CNTNAP4: variants seen among roughly 807,000 people sequenced by gnomAD.
CNTNAP4 encodes the protein contactin-associated protein-like 4.
CNTNAP4 carries 98 observed loss-of-function variants against 148.4 expected under a neutral mutation model. That is an observed-to-expected ratio of 0.66 (90% CI 0.56 to 0.78). The LOEUF (loss-of-function observed/expected upper bound fraction) is 0.78, where lower values mean the gene tolerates loss of function less well. Among genes scored for constraint, CNTNAP4 ranks in the 30% least tolerant of loss-of-function variants. The probability of loss-of-function intolerance (pLI) is 0.00; values close to 1 mark genes in which losing one functional copy is unlikely to be tolerated. For synonymous variants in CNTNAP4, 730 were observed against 565.1 expected (o/e 1.29, Z -4.14); for missense variants, 1,935 against 1,565.6 (o/e 1.24, Z -3.98).
Position 76,404,170 on chromosome 16 carries a change from A to C in CNTNAP4, c.391-23282A>C, listed in dbSNP as rs114926899. 5.2e-3 allele frequency among the ~76,000 whole-genome samples: 785 copies of C among 152,252 alleles called. 11 individuals carry two copies. Among genetic ancestry groups the C allele is most frequent in the African/African-American group, 0.018 (761 of 41,538 alleles). ...TAACAAACCTACACATGCACCCTTG[A>C]ACTTAAAAGTTAAAAAAATTCAGTA... On this transcript the variant is annotated intron_variant, in intron 3 of 23. Coordinates refer to ENST00000611870, the MANE Select transcript of CNTNAP4 (RefSeq NM_033401.5).
intron 1 of CNTNAP4, among the ~76,000 whole-genome samples, chr16:76,301,131 G>T (rs1402012166): frequency 6.6e-6 from 1 of 151,990 alleles, no homozygotes; most frequent in East Asian, 1.9e-4. Context: ...GGTAAGAGTA[G>T]TGTATAAAAA....
chr16:76,452,069 T>C (rs977010758), intron 7 of CNTNAP4, among the ~76,000 whole-genome samples: 1 of 152,140 alleles, frequency 6.6e-6, no homozygotes, highest in African/African-American at 2.4e-5. Flanking sequence ...GTTTTTTTTT[T>C]TTTCCCTAGG....
At chr16:76,408,358 A>ATTAACAGTTGTTAATCTATTAACAT (rs2078675405) in intron 3 of CNTNAP4, among the ~76,000 whole-genome samples, 1 of 142,066 alleles carries the variant, frequency 7.0e-6, no homozygotes, top group African/African-American at 3.1e-5. Context: ...TTGCTTAACA[A>ATTAACAGTTGTTAATCTATTAACAT]TTAACAGTTG....
chr16:76,497,099 A>C (rs1213071114), intron 14 of CNTNAP4, among the ~76,000 whole-genome samples: 2 of 152,236 alleles, frequency 1.3e-5, no homozygotes, highest in Admixed American at 1.3e-4. Flanking sequence ...TTCAGGAAGA[A>C]GTGAAAAGCA....
chr16:76,439,168 G>A (rs2145132227), intron 4 of CNTNAP4, among the ~76,000 whole-genome samples: 1 of 152,184 alleles, frequency 6.6e-6, no homozygotes, highest in Admixed American at 6.6e-5. Flanking sequence ...CGTAGCACTT[G>A]ACACAGCATT....
chr16:76,484,698 A>G (rs2081963291), intron 12 of CNTNAP4, among the ~76,000 whole-genome samples: 1 of 152,222 alleles, frequency 6.6e-6, no homozygotes, highest in Non-Finnish European at 1.5e-5. Context: ...ATTGGTAGGA[A>G]TAGATCAAGC....
chr16:76,464,748 G>A (rs1184756507), intron 9 of CNTNAP4, among the ~76,000 whole-genome samples: 1 of 152,168 alleles, frequency 6.6e-6, no homozygotes, highest in Non-Finnish European at 1.5e-5. Context: ...TGAACTAGCA[G>A]CACTGTGTAT....
chr16:76,315,909 G>C (rs1200259781), intron 1 of CNTNAP4, among the ~76,000 whole-genome samples: 1 of 152,162 alleles, frequency 6.6e-6, no homozygotes, highest in Non-Finnish European at 1.5e-5. Context: ...TGTGAAGTCT[G>C]ATCGTGCCTT....
chr16:76,444,392 A>G (rs2080159350), intron 4 of CNTNAP4, among the ~76,000 whole-genome samples: 1 of 147,228 alleles, frequency 6.8e-6, no homozygotes. Flanking sequence ...AATGACATTG[A>G]GAAGATGTGA....
chr16:76,304,200 A>G (rs1183180617), intron 1 of CNTNAP4, among the ~76,000 whole-genome samples: 1 of 152,168 alleles, frequency 6.6e-6, no homozygotes, highest in Non-Finnish European at 1.5e-5. Flanking sequence ...CGATTTAAAT[A>G]AAATGCCTAA....
At chr16:76,498,538 A>C in intron 14 of CNTNAP4, 29 bp from the exon 15 acceptor site, 1 of 1,594,446 alleles carries the variant, frequency 6.3e-7, no homozygotes, top group South Asian at 1.2e-5. Flanking sequence ...AAAGTTCTTA[A>C]GAATTTTGTT....
intron 8 of CNTNAP4, among the ~76,000 whole-genome samples, chr16:76,455,640 C>A (rs2080699252): frequency 6.6e-6 from 1 of 152,178 alleles, no homozygotes; most frequent in Non-Finnish European, 1.5e-5. Flanking sequence ...ATCCTTAATT[C>A]TGGTTAGTGA....
intron 8 of CNTNAP4, among the ~76,000 whole-genome samples, chr16:76,453,873 TGTG>T (rs1357548005): frequency 1.3e-5 from 2 of 152,134 alleles, no homozygotes; most frequent in Non-Finnish European, 2.9e-5. Context: ...GTGTTCAAAA[TGTG>T]GTAGATTTGC....
chr16:76,507,023 T>G (rs576807091), intron 15 of CNTNAP4, among the ~76,000 whole-genome samples: 2 of 97,672 alleles, frequency 2.0e-5, no homozygotes, highest in Admixed American at 2.0e-4. Context: ...TTGTATACCT[T>G]TGCTTTTCCC....
chr16:76,444,725 C>A (rs1044779573), intron 4 of CNTNAP4, among the ~76,000 whole-genome samples: 2 of 152,090 alleles, frequency 1.3e-5, no homozygotes, highest in Non-Finnish European at 2.9e-5. Flanking sequence ...AGTGTTATAT[C>A]TAAAATAATA....
At chr16:76,555,271 C>A (rs577169233) in intron 23 of CNTNAP4, among the ~76,000 whole-genome samples, 14 of 152,072 alleles carry the variant, frequency 9.2e-5, no homozygotes, top group Non-Finnish European at 1.9e-4. Flanking sequence ...ATTTCAGTTG[C>A]TTTTCTGTTT....
chr16:76,355,046 A>G (rs753875712), intron 2 of CNTNAP4, among the ~76,000 whole-genome samples: 3 of 152,230 alleles, frequency 2.0e-5, no homozygotes, highest in Admixed American at 6.5e-5. Context: ...TTCACCTATC[A>G]TATTAAACAT....
chr16:76,361,211 A>G (rs749327927), intron 3 of CNTNAP4, among the ~76,000 whole-genome samples: 3 of 152,190 alleles, frequency 2.0e-5, no homozygotes, highest in Non-Finnish European at 2.9e-5. Flanking sequence ...ACTGTTCACT[A>G]TAAGCACAGT....
At chr16:76,323,052 G>A (rs1025574355) in intron 2 of CNTNAP4, among the ~76,000 whole-genome samples, 4 of 151,912 alleles carry the variant, frequency 2.6e-5, no homozygotes, top group Non-Finnish European at 1.5e-5. Flanking sequence ...TCACCATGTT[G>A]GCAAGGCTGA....
Sources: allele counts gnomAD v4.1 joint callset (sites outside exome capture counted in the v4.1 genomes callset), GRCh38; gene constraint gnomAD v4.1.1; transcripts MANE v1.5; gene names NCBI Gene and HGNC (gene_info 2026-07-23, HGNC 2026-07-21).